The following AFG1L variants were observed in gnomAD, a reference collection of about 807,000 sequenced individuals.
AFG1L encodes AFG1 like ATPase.
Under a neutral mutation model 62.2 loss-of-function variants are expected in AFG1L, and 53 were observed. That is an observed-to-expected ratio of 0.85 (90% confidence interval 0.68 to 1.07). The LOEUF is 1.07. Among genes scored for constraint, AFG1L ranks in the 50% least tolerant of loss-of-function variants. The pLI, the probability that AFG1L is intolerant of heterozygous loss-of-function variation, is 0.00. For synonymous variants in AFG1L, 228 were observed against 210.3 expected (o/e 1.08, Z -0.73); for missense variants, 555 against 590.5 (o/e 0.94, Z 0.62).
intron 6 of AFG1L, among the ~76,000 whole-genome samples, chr6:108,401,077 T>TGAA (rs1781583489): frequency 6.7e-6 from 1 of 150,174 alleles, no homozygotes; most frequent in Non-Finnish European, 1.5e-5. Flanking sequence ...CAAGTGATTC[T>TGAA]CCTCCCTCAC....
intron 6 of AFG1L, among the ~76,000 whole-genome samples, chr6:108,370,332 A>G (rs1371761579): frequency 6.6e-6 from 1 of 152,154 alleles, no homozygotes; most frequent in Non-Finnish European, 1.5e-5. Flanking sequence ...AGGGAGACAT[A>G]TTAGGAAGCT....
Position 108,522,643 on chromosome 6 carries a change from C to A in AFG1L, c.*218C>A. 1 of 350,466 alleles carries A rather than the reference C, an allele frequency of 2.9e-6. No individual in the cohort carries two copies. Among genetic ancestry groups the A allele is most frequent in the South Asian group, 5.5e-5 (1 of 18,338 alleles). The allele number at this position is 350,466 out of a possible 1,614,324, so 21.7% of individuals were successfully genotyped here. On this transcript the variant is annotated 3_prime_UTR_variant, in exon 13 of 13. Coordinates refer to ENST00000368977, the MANE Select transcript of AFG1L (RefSeq NM_145315.5). Reference sequence around the variant, plus strand: ...TTTCTTATTTGGCCTTATTTCTGCACCATGAAATTAAAATCATCTCATTCC... The same window carrying A: ...TTTCTTATTTGGCCTTATTTCTGCAACATGAAATTAAAATCATCTCATTCC...
chr6:108,422,813 T>C (rs1770661063), intron 7 of AFG1L, among the ~76,000 whole-genome samples: 1 of 152,096 alleles, frequency 6.6e-6, no homozygotes, highest in South Asian at 2.1e-4. Flanking sequence ...AAGCTATTTT[T>C]ATAAGCATTG....
At chr6:108,400,596 T>C (rs1582520834) in intron 6 of AFG1L, among the ~76,000 whole-genome samples, 1 of 135,278 alleles carries the variant, frequency 7.4e-6, no homozygotes, top group South Asian at 2.1e-4. Context: ...ATATATAATT[T>C]ATATATTTAT....
rs1365788247 is a variant in AFG1L, at chr6:108,366,253, C to T, written c.669C>T (p.Ala223=). 6.2e-7 allele frequency: 1 copy of T among 1,608,334 alleles called. No homozygotes were observed. Among genetic ancestry groups the T allele is most frequent in the African/African-American group, 1.3e-5 (1 of 74,820 alleles). Residue 223 remains alanine, a synonymous_variant, in exon 6 of 13, where the codon GCC becomes GCT. Transcript: ENST00000368977. ...DEFQVTDIAD[A]MILKQLFENL... is the part of the protein sequence containing the mutation. ...AATAGGTCACTGACATTGCTGATGC[C>T]ATGATTCTGAAACAGCTTTTTGAAA...
intron 7 of AFG1L, among the ~76,000 whole-genome samples, chr6:108,425,214 G>A (rs1436007564): frequency 6.6e-6 from 1 of 152,168 alleles, no homozygotes; most frequent in African/African-American, 2.4e-5. Flanking sequence ...ATGTCACTGT[G>A]TGTAGAAGGC....
chr6:108,361,102 A>G lies in AFG1L; in HGVS notation c.648+4282A>G, dbSNP rs998126892. Among the ~76,000 whole-genome samples, 3 of 152,340 alleles carry G rather than the reference A, an allele frequency of 2.0e-5. No individual in the cohort carries two copies. In the South Asian group the frequency reaches 6.2e-4, roughly 32 times the overall value. On this transcript the variant is annotated intron_variant, in intron 5 of 12. Transcript: ENST00000368977. ...CTTCTTTCACCTGGAGGATGGCCTA[A>G]TGCCTGGTTGTCTGACCCATGACCA...
intron 11 of AFG1L, among the ~76,000 whole-genome samples, chr6:108,518,487 C>A (rs962942586): frequency 7.8e-6 from 1 of 128,422 alleles, no homozygotes; most frequent in Non-Finnish European, 1.6e-5. Context: ...ACTTCACACA[C>A]CGGGGCTTGT....
chr6:108,422,064 G>T lies in AFG1L; in HGVS notation c.807+20010G>T, dbSNP rs186255113. 1.8e-3 allele frequency among the ~76,000 whole-genome samples: 273 copies of T among 152,096 alleles called. 2 individuals carry two copies. The highest frequency in any genetic ancestry group is 5.7e-3 in the African/African-American group (238 of 41,524). On this transcript the variant is annotated intron_variant, in intron 7 of 12. Coordinates refer to ENST00000368977, the MANE Select transcript of AFG1L (RefSeq NM_145315.5). Reference sequence around the variant, plus strand: ...TTTAGATTGTTTTTGGAAAGAACTTGTTTTCAAATTGAAATTATACAAAGT... The same window carrying T: ...TTTAGATTGTTTTTGGAAAGAACTTTTTTTCAAATTGAAATTATACAAAGT...
At chr6:108,485,650 ATATATATTTTTTT>A (rs1272851630) in intron 10 of AFG1L, among the ~76,000 whole-genome samples, 11 of 21,840 alleles carry the variant, frequency 5.0e-4, no homozygotes, top group Non-Finnish European at 7.7e-4. Flanking sequence ...ATATATATAT[ATATATATTTTTTT>A]TTTTTTTTTT....
At chr6:108,300,782 C>T (rs993483424) in intron 1 of AFG1L, among the ~76,000 whole-genome samples, 7 of 151,816 alleles carry the variant, frequency 4.6e-5, no homozygotes, top group Admixed American at 3.9e-4. Context: ...AAGCGATTCT[C>T]CTGCCTCAGC....
chr6:108,415,605 G>C (rs1262848444), intron 7 of AFG1L, among the ~76,000 whole-genome samples: 3 of 152,100 alleles, frequency 2.0e-5, no homozygotes, highest in African/African-American at 7.2e-5. Flanking sequence ...AGAGCCCCCG[G>C]GAATAATTCC....
At chr6:108,421,401 A>G (rs1770581926) in intron 7 of AFG1L, among the ~76,000 whole-genome samples, 1 of 152,130 alleles carries the variant, frequency 6.6e-6, no homozygotes, top group African/African-American at 2.4e-5. Flanking sequence ...CCAGATACCA[A>G]ATAACACTGG....
In AFG1L at chr6:108,509,715, T is replaced by A. The variant is rs552448156; in HGVS notation, c.1063-497T>A. On this transcript the variant is annotated intron_variant, in intron 10 of 12. Transcript: ENST00000368977. ...AAGGCAACACAGTGTATGTTATCTG[T>A]GTCCTTAGCCTACTCTGAAAACACT... 6.2e-4 allele frequency among the ~76,000 whole-genome samples: 95 copies of A among 152,220 alleles called. 2 individuals carry two copies. Among genetic ancestry groups the A allele is most frequent in the Non-Finnish European group, 7.1e-4 (48 of 68,044 alleles).
At chr6:108,441,712 A>AAATAT (rs1401294615) in intron 7 of AFG1L, among the ~76,000 whole-genome samples, 12 of 139,494 alleles carry the variant, frequency 8.6e-5, no homozygotes, top group South Asian at 6.9e-4. Context: ...AAAAAAAAAA[A>AAATAT]ATATATATAT....
intron 8 of AFG1L, among the ~76,000 whole-genome samples, chr6:108,474,039 C>G (rs1396685818): frequency 2.0e-5 from 3 of 152,194 alleles, no homozygotes; most frequent in Non-Finnish European, 4.4e-5. Flanking sequence ...CCCTCTCCCC[C>G]CGGCTCCTGA....
chr6:108,305,725 A>ACCAGG (rs1777177548), intron 1 of AFG1L, among the ~76,000 whole-genome samples: 1 of 152,138 alleles, frequency 6.6e-6, no homozygotes, highest in South Asian at 2.1e-4. Flanking sequence ...GAGCTACCAC[A>ACCAGG]CCAGGCTATG....
At chr6:108,335,898 G>A (rs553764981) in intron 2 of AFG1L, among the ~76,000 whole-genome samples, 3 of 152,152 alleles carry the variant, frequency 2.0e-5, no homozygotes, top group Non-Finnish European at 4.4e-5. Context: ...ATCAGAAATT[G>A]AGCCATTTCT....
At chr6:108,462,174 G>A (rs2114781441) in intron 8 of AFG1L, among the ~76,000 whole-genome samples, 1 of 152,240 alleles carries the variant, frequency 6.6e-6, no homozygotes, top group South Asian at 2.1e-4. Context: ...GGCTGAGATG[G>A]GTGGATTGCT....
Sources: gnomAD v4.1 joint callset for allele counts (sites outside exome capture counted in the v4.1 genomes callset) on GRCh38, gnomAD v4.1.1 for gene constraint, MANE v1.5 for transcripts, NCBI Gene and HGNC (gene_info 2026-07-23, HGNC 2026-07-21) for gene names.